The following UGGT2 variants were observed in gnomAD, a reference collection of about 807,000 sequenced individuals.
UGGT2 encodes the protein UDP-glucose glycoprotein glucosyltransferase 2, also known as UDP-glucose:glycoprotein glucosyltransferase 2.
A neutral mutation model predicts 192.1 loss-of-function variants in UGGT2; 180 were observed. The observed-to-expected ratio is 0.94, with a 90% CI of 0.83 to 1.06. UGGT2 has a LOEUF of 1.06. Ranked by LOEUF, UGGT2 falls within the 50% of genes least tolerant of loss-of-function variation. The probability of loss-of-function intolerance (pLI) is 0.00; values close to 1 mark genes in which losing one functional copy is unlikely to be tolerated. For synonymous variants in UGGT2, 580 were observed against 591.0 expected (o/e 0.98, Z 0.27); for missense variants, 1,849 against 1,795.7 (o/e 1.03, Z -0.54).
chr13:95,807,026 C>A (rs1884340860), intron 38 of UGGT2, among the ~76,000 whole-genome samples: 1 of 152,108 alleles, frequency 6.6e-6, no homozygotes, highest in East Asian at 1.9e-4. Flanking sequence ...AACCCCTGCA[C>A]AGTTGAAAAT....
At chr13:95,887,203 A>C in intron 26 of UGGT2, 1 of 446,738 alleles carries the variant, frequency 2.2e-6, no homozygotes, top group Non-Finnish European at 4.5e-6. Context: ...TTAGAATTAC[A>C]TCATTAAATA....
chr13:96,038,556 C>T (rs932118086), intron 1 of UGGT2, among the ~76,000 whole-genome samples: 1 of 152,134 alleles, frequency 6.6e-6, no homozygotes, highest in African/African-American at 2.4e-5. Context: ...CATGTTTGTA[C>T]TGGGCTTCTG....
chr13:95,872,816 T>C (rs888879579), intron 29 of UGGT2, among the ~76,000 whole-genome samples: 1 of 152,222 alleles, frequency 6.6e-6, no homozygotes, highest in Non-Finnish European at 1.5e-5. Flanking sequence ...AAATAGAATC[T>C]AAATCATGTA....
chr13:95,808,660 G>A (rs1884433568), intron 38 of UGGT2, among the ~76,000 whole-genome samples: 1 of 152,068 alleles, frequency 6.6e-6, no homozygotes, highest in African/African-American at 2.4e-5. Context: ...AATATCCGGA[G>A]GCAAAATTTC....
intron 16 of UGGT2, 46 bp downstream of exon 16, chr13:95,939,911 C>T: frequency 6.8e-7 from 1 of 1,460,412 alleles, no homozygotes. Context: ...TGGTGTTTGT[C>T]TTTCTGTGCC....
chr13:96,023,071 T>A lies in UGGT2; in HGVS notation c.454A>T (p.Ile152Phe), dbSNP rs2052562013. The stretch of plus-strand genomic sequence containing the variant: ...GCAGCTTTCTTCAGCAGCTTTTTAA[T>A]CTCATTAATTTTACAGGTGTGCTTC... ...HKKHTCKINE[I>F]KKLLKKAASR... The change falls in exon 4 of 39, where the codon ATT (isoleucine) becomes TTT (phenylalanine). Residue 152 changes from isoleucine (I) to phenylalanine (F), a missense_variant. Coordinates refer to ENST00000376747, the MANE Select transcript of UGGT2 (RefSeq NM_020121.4). 3.8e-6 allele frequency: 6 copies of A among 1,591,740 alleles called. No homozygotes were observed. The highest frequency in any genetic ancestry group is 5.1e-6 in the Non-Finnish European group (6 of 1,167,776).
chr13:95,932,347 G>GTGTA (rs2049314884), intron 17 of UGGT2, among the ~76,000 whole-genome samples: 1 of 150,412 alleles, frequency 6.6e-6, no homozygotes, highest in African/African-American at 2.4e-5. Flanking sequence ...GTGTGTGTGT[G>GTGTA]TGTGTATGGC....
intron 17 of UGGT2, among the ~76,000 whole-genome samples, chr13:95,927,667 T>A (rs184472693): frequency 5.1e-4 from 77 of 152,230 alleles, no homozygotes; most frequent in Non-Finnish European, 6.6e-4. Flanking sequence ...GTTGTTTTTT[T>A]AAATTTTTTT....
intron 5 of UGGT2, among the ~76,000 whole-genome samples, chr13:96,011,123 T>C (rs1055067020): frequency 1.3e-5 from 2 of 152,138 alleles, no homozygotes; most frequent in African/African-American, 4.8e-5. Context: ...CATAAACCTA[T>C]GTGTAAACAT....
At chr13:95,885,512 C>A (rs1283810480) in intron 26 of UGGT2, among the ~76,000 whole-genome samples, 1 of 152,114 alleles carries the variant, frequency 6.6e-6, no homozygotes, top group Non-Finnish European at 1.5e-5. Context: ...GTCAGCAAGA[C>A]AAAAGTCACA....
chr13:95,952,069 T>C (rs965844128), intron 12 of UGGT2, among the ~76,000 whole-genome samples: 1 of 137,204 alleles, frequency 7.3e-6, no homozygotes, highest in Admixed American at 7.2e-5. Context: ...AAAAAAAAGA[T>C]ACATATTAGT....
At chr13:95,835,620 CTCT>C (rs1400675629) in intron 37 of UGGT2, among the ~76,000 whole-genome samples, 18 of 152,098 alleles carry the variant, frequency 1.2e-4, no homozygotes, top group Admixed American at 9.8e-4. Flanking sequence ...TGTTTTCCTG[CTCT>C]TTTTTGTTCA....
At chr13:95,820,124 G>A (rs533067260) in intron 38 of UGGT2, among the ~76,000 whole-genome samples, 3 of 151,556 alleles carry the variant, frequency 2.0e-5, no homozygotes, top group African/African-American at 7.3e-5. Context: ...CTGTATTCCA[G>A]CCTGTGTGAC....
intron 29 of UGGT2, 107 bp downstream of exon 29, chr13:95,877,172 G>A: frequency 4.1e-6 from 4 of 965,610 alleles, no homozygotes; most frequent in Non-Finnish European, 4.5e-6. Context: ...TTGAGCCACT[G>A]CGCCAGGCCA....
chr13:95,810,751 A>C (rs1268919962), intron 38 of UGGT2, among the ~76,000 whole-genome samples: 2 of 152,150 alleles, frequency 1.3e-5, no homozygotes, highest in Non-Finnish European at 2.9e-5. Context: ...ACAAGCAAGG[A>C]AAGACAAAAA....
At chr13:96,031,999 A>T in intron 1 of UGGT2, 28 bp from the exon 2 acceptor site, 9 of 1,532,020 alleles carry the variant, frequency 5.9e-6, no homozygotes, top group Non-Finnish European at 8.1e-6. Flanking sequence ...GTAATCGGTT[A>T]GTAGATGGAA....
chr13:96,010,742 C>G (rs1020852039), intron 5 of UGGT2, among the ~76,000 whole-genome samples: 1 of 152,040 alleles, frequency 6.6e-6, no homozygotes, highest in Non-Finnish European at 1.5e-5. Flanking sequence ...AAAATGCCAG[C>G]AAAATGTTTT....
At chr13:95,982,177 C>G (rs1199990129) in intron 10 of UGGT2, among the ~76,000 whole-genome samples, 1 of 152,142 alleles carries the variant, frequency 6.6e-6, no homozygotes, top group African/African-American at 2.4e-5. Flanking sequence ...TCTGATATAG[C>G]AGTTAGGAAG....
chr13:95,837,048 G>A (rs1246946203), intron 37 of UGGT2, 38 bp downstream of exon 37: 3 of 1,404,588 alleles, frequency 2.1e-6, no homozygotes, highest in Non-Finnish European at 3.0e-6. Context: ...AAACATTTCT[G>A]TATCTGCTTA....
Sources: gnomAD v4.1 joint callset for allele counts (sites outside exome capture counted in the v4.1 genomes callset) on GRCh38, gnomAD v4.1.1 for gene constraint, MANE v1.5 for transcripts, NCBI Gene and HGNC (gene_info 2026-07-23, HGNC 2026-07-21) for gene names.